Variants in LRBA observed in about 807,000 individuals in gnomAD.
The protein encoded by LRBA is LPS responsive beige-like anchor protein, also known as lipopolysaccharide-responsive and beige-like anchor protein.
LRBA carries 176 observed loss-of-function variants against 330.0 expected under a neutral mutation model. The ratio of observed to expected loss-of-function variants is 0.53; its 90% CI spans 0.47 to 0.60. The LOEUF is 0.60. Ranked by LOEUF, LRBA falls within the 20% of genes least tolerant of loss-of-function variation. The pLI, the probability that LRBA is intolerant of heterozygous loss-of-function variation, is 0.00. For synonymous variants in LRBA, 1,230 were observed against 1,193.0 expected (o/e 1.03, Z -0.64); for missense variants, 3,259 against 3,444.8 (o/e 0.95, Z 1.35).
chr4:150,793,044 C>A (rs1291786437), intron 34 of LRBA, among the ~76,000 whole-genome samples: 1 of 151,828 alleles, frequency 6.6e-6, no homozygotes, highest in African/African-American at 2.4e-5. Flanking sequence ...CACGCCATTG[C>A]ACTCCAGCCT....
intron 47 of LRBA, among the ~76,000 whole-genome samples, chr4:150,371,094 G>A (rs992505613): frequency 1.4e-4 from 21 of 150,150 alleles, no homozygotes; most frequent in Admixed American, 3.3e-4. Context: ...TTCATATCAC[G>A]TATATGAACA....
At chr4:150,631,419 C>A (rs1180497937) in intron 37 of LRBA, among the ~76,000 whole-genome samples, 2 of 151,816 alleles carry the variant, frequency 1.3e-5, no homozygotes, top group Admixed American at 1.3e-4. Flanking sequence ...TGGAAGGCAT[C>A]CAATTTAGGA....
upstream of LRBA, chr4:151,015,616 G>A (rs1745327724): frequency 6.6e-6 from 1 of 152,622 alleles, no homozygotes. Context: ...CCGCGGCTGA[G>A]GCTGCTGCGA....
chr4:150,289,735 C>T lies in LRBA; in HGVS notation c.8018-3701G>A, dbSNP rs1748606863. On this transcript the variant is annotated intron_variant, in intron 53 of 56. Transcript: ENST00000651943. Reference sequence around the variant, plus strand: ...ACAGATTGAGCATTCTTTACATTTTCTCCTCATCAAAAAGTACATTCAAAA... The same window carrying T: ...ACAGATTGAGCATTCTTTACATTTTTTCCTCATCAAAAAGTACATTCAAAA... Among the ~76,000 whole-genome samples the T allele has an allele frequency of 2.6e-5, 4 of 152,280 alleles. No individual in the cohort carries two copies. In the South Asian group the frequency reaches 8.3e-4, roughly 32 times the overall value.
chr4:150,768,948 T>C (rs1057444785), intron 34 of LRBA, among the ~76,000 whole-genome samples: 19 of 126,730 alleles, frequency 1.5e-4, no homozygotes, highest in African/African-American at 6.4e-4. Flanking sequence ...TTTTTTTTTT[T>C]TTTTTTTGAG....
chr4:150,364,051 A>G (rs1739088453), intron 47 of LRBA, among the ~76,000 whole-genome samples: 1 of 152,246 alleles, frequency 6.6e-6, no homozygotes, highest in Non-Finnish European at 1.5e-5. Flanking sequence ...GAAGGAAAAA[A>G]AAGTGAAGTG....
intron 48 of LRBA, among the ~76,000 whole-genome samples, chr4:150,348,159 T>C (rs1338084115): frequency 6.6e-6 from 1 of 152,148 alleles, no homozygotes; most frequent in Admixed American, 6.5e-5. Context: ...TAAACAATCA[T>C]TGGTGTGTAA....
intron 2 of LRBA, among the ~76,000 whole-genome samples, chr4:150,962,346 C>T (rs764837746): frequency 2.0e-5 from 3 of 148,734 alleles, no homozygotes; most frequent in Non-Finnish European, 4.4e-5. Flanking sequence ...GGGGAAACCC[C>T]ATTTCTACAA....
intron 40 of LRBA, among the ~76,000 whole-genome samples, chr4:150,514,775 A>T (rs1762168925): frequency 3.9e-5 from 6 of 152,150 alleles, no homozygotes. Flanking sequence ...AAGTATATTA[A>T]CTTATCCCAA....
intron 48 of LRBA, among the ~76,000 whole-genome samples, chr4:150,342,514 A>G (rs1031124226): frequency 5.3e-5 from 8 of 152,320 alleles, no homozygotes; most frequent in African/African-American, 1.9e-4. Flanking sequence ...AAATGCAGAC[A>G]TAGTTGTATA....
In LRBA at chr4:150,583,594, A is replaced by G; in HGVS notation, c.6330+4454T>C. ...GCCTCGCAGCGCGGCACAGTGGCCTATGCCCCACATCCCTTGGCCCGGCCC... is the reference window on the plus strand; with the variant it reads ...GCCTCGCAGCGCGGCACAGTGGCCTGTGCCCCACATCCCTTGGCCCGGCCC... On this transcript the variant is annotated intron_variant, in intron 40 of 56. Transcript: ENST00000651943. The surrounding 1 kb of genome is among the most constrained non-coding windows in gnomAD (Gnocchi z 9.8). 6.2e-7 allele frequency: 1 copy of G among 1,613,972 alleles called. No homozygotes were observed. Among genetic ancestry groups the G allele is most frequent in the Non-Finnish European group, 8.5e-7 (1 of 1,179,984 alleles).
intron 44 of LRBA, among the ~76,000 whole-genome samples, chr4:150,450,432 TG>T (rs1205960975): frequency 6.6e-6 from 1 of 152,198 alleles, no homozygotes; most frequent in Non-Finnish European, 1.5e-5. Context: ...TTCCAGGTTC[TG>T]GTAGGCTCAG....
chr4:150,442,917 G>T (rs1752021255), intron 44 of LRBA, among the ~76,000 whole-genome samples: 1 of 152,126 alleles, frequency 6.6e-6, no homozygotes, highest in South Asian at 2.1e-4. Context: ...GGTCTGAGAA[G>T]ACTCCAGGGA....
At chr4:150,787,986 C>G (rs1052357849) in intron 34 of LRBA, among the ~76,000 whole-genome samples, 2 of 152,152 alleles carry the variant, frequency 1.3e-5, no homozygotes, top group African/African-American at 4.8e-5. Context: ...CATATGGTAG[C>G]TGTATTTTTA....
chr4:150,905,254 T>C (rs892768527), intron 13 of LRBA, among the ~76,000 whole-genome samples: 5 of 152,232 alleles, frequency 3.3e-5, no homozygotes, highest in African/African-American at 1.2e-4. Context: ...ATTAAAATGA[T>C]TACGAGACTA....
intron 40 of LRBA, among the ~76,000 whole-genome samples, chr4:150,586,733 T>C (rs80110513): frequency 0.018 from 2,682 of 152,282 alleles, 67 homozygotes; most frequent in African/African-American, 0.061. Flanking sequence ...ATCTCACACA[T>C]TGGCAGAGAT....
At chr4:150,738,502 A>T (rs114626328) in intron 35 of LRBA, among the ~76,000 whole-genome samples, 2,166 of 152,304 alleles carry the variant, frequency 0.014, 57 homozygotes, top group African/African-American at 0.048. Context: ...ATGAAAAATA[A>T]TATAAGATTG....
Position 150,583,441 on chromosome 4 carries a change from C to G in LRBA, c.6330+4607G>C. On this transcript the variant is annotated intron_variant, in intron 40 of 56. Coordinates refer to ENST00000651943, the MANE Select transcript of LRBA (RefSeq NM_001364905.1). This position sits in a 1 kb window ranked among gnomAD's most constrained non-coding sequence, Gnocchi z 9.8. ...CTCGCGTTTCCAGACGCTGGTGGCC[C>G]AGGCGGTGGACAAGTGCAGCTATCG... The G allele has an allele frequency of 6.2e-7, 1 of 1,613,916 alleles. No homozygotes were observed. The highest frequency in any genetic ancestry group is 8.5e-7 in the Non-Finnish European group (1 of 1,180,042).
At chr4:150,406,711 AG>A (rs1286098447) in intron 47 of LRBA, among the ~76,000 whole-genome samples, 16 of 152,288 alleles carry the variant, frequency 1.1e-4, no homozygotes, top group African/African-American at 3.8e-4. Flanking sequence ...GGAAGATATC[AG>A]GTCCTACTCC....
Sources: gnomAD v4.1 joint callset for allele counts (sites outside exome capture counted in the v4.1 genomes callset) on GRCh38, gnomAD v4.1.1 for gene constraint, Gnocchi (gnomAD v3.1) non-coding constraint, MANE v1.5 for transcripts, NCBI Gene and HGNC (gene_info 2026-07-23, HGNC 2026-07-21) for gene names.